Variants in DEPDC1B observed in about 807,000 individuals in gnomAD.
DEPDC1B encodes DEP domain-containing protein 1B.
DEPDC1B carries 51 observed loss-of-function variants against 66.5 expected under a neutral mutation model. The ratio of observed to expected loss-of-function variants is 0.77; its 90% CI spans 0.61 to 0.97. DEPDC1B has a LOEUF of 0.97. Among genes scored for constraint, DEPDC1B ranks in the 50% least tolerant of loss-of-function variants. The pLI is 0.00. For synonymous variants in DEPDC1B, 226 were observed against 223.6 expected, an observed-to-expected ratio of 1.01 and a Z score of -0.10; for missense variants, 552 against 637.1, an observed-to-expected ratio of 0.87 and a Z score of 1.44.
At chr5:60,611,682 T>C (rs533885706) in intron 7 of DEPDC1B, among the ~76,000 whole-genome samples, 18 of 152,328 alleles carry the variant, frequency 1.2e-4, no homozygotes, top group African/African-American at 4.3e-4. Context: ...CAACATTTCT[T>C]TAAGCCCCAC....
intron 9 of DEPDC1B, among the ~76,000 whole-genome samples, chr5:60,600,937 A>C (rs1752187944): frequency 6.6e-6 from 1 of 152,222 alleles, no homozygotes; most frequent in Non-Finnish European, 1.5e-5. Context: ...ATGGGAGGTA[A>C]CTGAATCACA....
chr5:60,678,543 C>T (rs1333441849), intron 2 of DEPDC1B, among the ~76,000 whole-genome samples: 1 of 152,182 alleles, frequency 6.6e-6, no homozygotes, highest in Non-Finnish European at 1.5e-5. Context: ...TTTCCAGTGA[C>T]TGCATCCTCA....
At chr5:60,699,443 G>GAAAAAAAAAACAAAAAAA (rs1754728268) in intron 1 of DEPDC1B, among the ~76,000 whole-genome samples, 1 of 89,380 alleles carries the variant, frequency 1.1e-5, no homozygotes, top group Non-Finnish European at 2.0e-5. Context: ...TTTTCTCCCA[G>GAAAAAAAAAACAAAAAAA]AAAAAAAAAA....
intron 2 of DEPDC1B, among the ~76,000 whole-genome samples, chr5:60,675,910 T>C (rs920025236): frequency 6.6e-6 from 1 of 151,830 alleles, no homozygotes; most frequent in African/African-American, 2.4e-5. Context: ...TTTCTTTTTT[T>C]TTTTTTTGTT....
At chr5:60,684,928 T>C (rs550649768) in intron 2 of DEPDC1B, among the ~76,000 whole-genome samples, 2 of 152,292 alleles carry the variant, frequency 1.3e-5, no homozygotes, top group East Asian at 1.9e-4. Flanking sequence ...GAATAGATAT[T>C]TCTCAAAAGA....
At chr5:60,658,557 G>A (rs1753631092) in intron 2 of DEPDC1B, among the ~76,000 whole-genome samples, 1 of 140,798 alleles carries the variant, frequency 7.1e-6, no homozygotes, top group Admixed American at 7.5e-5. Flanking sequence ...AGCTGAGAAA[G>A]GTGACTACAT....
intron 7 of DEPDC1B, among the ~76,000 whole-genome samples, chr5:60,620,954 C>A (rs1367589728): frequency 6.6e-6 from 1 of 152,188 alleles, no homozygotes; most frequent in African/African-American, 2.4e-5. Context: ...GAATACTATG[C>A]AGCCATGAAA....
intron 2 of DEPDC1B, among the ~76,000 whole-genome samples, chr5:60,664,220 T>G (rs958005527): frequency 3.9e-5 from 6 of 152,220 alleles, no homozygotes; most frequent in Non-Finnish European, 7.3e-5. Flanking sequence ...CTTACACATG[T>G]CCGAGAGACC....
intron 8 of DEPDC1B, among the ~76,000 whole-genome samples, chr5:60,605,417 T>C (rs1752288317): frequency 6.6e-6 from 1 of 151,840 alleles, no homozygotes. Flanking sequence ...CAATTATTAG[T>C]TGTCAATTAA....
chr5:60,604,413 G>C (rs1584020526), intron 8 of DEPDC1B, among the ~76,000 whole-genome samples: 2 of 151,136 alleles, frequency 1.3e-5, no homozygotes, highest in Non-Finnish European at 2.9e-5. Context: ...TAGAGACGGG[G>C]TTTCACCATG....
chr5:60,645,213 G>C (rs556882480), intron 4 of DEPDC1B, among the ~76,000 whole-genome samples: 14 of 152,230 alleles, frequency 9.2e-5, no homozygotes, highest in African/African-American at 3.4e-4. Context: ...GTATATGATT[G>C]TTAACTTTAT....
intron 7 of DEPDC1B, among the ~76,000 whole-genome samples, chr5:60,609,543 TAA>T (rs1470743112): frequency 6.6e-6 from 1 of 152,120 alleles, no homozygotes; most frequent in Non-Finnish European, 1.5e-5. Flanking sequence ...CTCCCAAAGC[TAA>T]AAGAGCAGCA....
At chr5:60,618,719 G>C (rs753569489) in intron 7 of DEPDC1B, among the ~76,000 whole-genome samples, 2 of 152,194 alleles carry the variant, frequency 1.3e-5, no homozygotes, top group Non-Finnish European at 2.9e-5. Context: ...ACAAGGAGGA[G>C]CTGGTACCAT....
intron 2 of DEPDC1B, among the ~76,000 whole-genome samples, chr5:60,662,871 T>C (rs1753751839): frequency 6.6e-6 from 1 of 152,130 alleles, no homozygotes. Flanking sequence ...GGAGGTTAAC[T>C]GTCTCCTGGA....
At chr5:60,602,042 G>A (rs1252163063) in intron 9 of DEPDC1B, among the ~76,000 whole-genome samples, 1 of 151,938 alleles carries the variant, frequency 6.6e-6, no homozygotes, top group Admixed American at 6.6e-5. Flanking sequence ...CCATTCTCAT[G>A]CCAATCAACA....
intron 7 of DEPDC1B, chr5:60,628,649 A>C (rs986828075): frequency 6.6e-6 from 1 of 152,224 alleles, no homozygotes; most frequent in Non-Finnish European, 1.5e-5. Context: ...AGATTTTCAA[A>C]GAAAAGGAAA....
At chr5:60,680,374 C>A (rs1009729136) in intron 2 of DEPDC1B, among the ~76,000 whole-genome samples, 1 of 152,042 alleles carries the variant, frequency 6.6e-6, no homozygotes, top group Non-Finnish European at 1.5e-5. Flanking sequence ...CACTAAAATT[C>A]ACTCCTCCCT....
At chr5:60,605,339 T>C (rs190276183) in intron 8 of DEPDC1B, among the ~76,000 whole-genome samples, 103 of 152,328 alleles carry the variant, frequency 6.8e-4, no homozygotes, top group African/African-American at 2.4e-3. Flanking sequence ...TAAGTTGGTA[T>C]GGTAATGAAT....
Position 60,644,735 on chromosome 5 carries a change from A to G in DEPDC1B, c.709+10T>C. On this transcript the variant is annotated intron_variant, in intron 5 of 10. Transcript: ENST00000265036. ...GTCAATAAGTAACAAAATTATATTT[A>G]TGCACTTACTTGACTTGTCATCAAG... is the stretch of plus-strand genomic sequence containing the variant. 6.3e-7 allele frequency: 1 copy of G among 1,581,930 alleles called. No homozygotes were observed.
Sources: allele counts gnomAD v4.1 joint callset (sites outside exome capture counted in the v4.1 genomes callset), GRCh38; gene constraint gnomAD v4.1.1; transcripts MANE v1.5; gene names NCBI Gene and HGNC (gene_info 2026-07-23, HGNC 2026-07-21).